Variants in PDIA5 observed in about 807,000 individuals in gnomAD.
The protein encoded by PDIA5 is protein disulfide-isomerase A5.
Under a neutral mutation model 77.6 loss-of-function variants are expected in PDIA5, and 58 were observed. The ratio of observed to expected loss-of-function variants is 0.75; its 90% CI spans 0.61 to 0.93. The LOEUF (loss-of-function observed/expected upper bound fraction) is 0.93. Ranked by LOEUF, PDIA5 falls within the 40% of genes least tolerant of loss-of-function variation. The pLI is 0.00. For synonymous variants in PDIA5, 250 were observed against 252.1 expected (o/e 0.99, Z 0.08); for missense variants, 630 against 647.7 (o/e 0.97, Z 0.30).
At chr3:123,076,131 C>T (rs1199804234) in intron 1 of PDIA5, among the ~76,000 whole-genome samples, 1 of 152,128 alleles carries the variant, frequency 6.6e-6, no homozygotes, top group Non-Finnish European at 1.5e-5. Flanking sequence ...GCAGACTTGC[C>T]AGCCTCTCGG....
intron 7 of PDIA5, among the ~76,000 whole-genome samples, chr3:123,112,198 A>G (rs988306281): frequency 2.0e-5 from 3 of 152,180 alleles, no homozygotes; most frequent in African/African-American, 7.2e-5. Flanking sequence ...TGTGAGCTGC[A>G]TCGGCCCTTC....
At chr3:123,074,333 A>G (rs1933795608) in intron 1 of PDIA5, among the ~76,000 whole-genome samples, 1 of 152,190 alleles carries the variant, frequency 6.6e-6, no homozygotes, top group Admixed American at 6.5e-5. Context: ...TGTTAATATA[A>G]TGTGGTAAGA....
At chr3:123,127,831 G>A (rs1429805715) in intron 10 of PDIA5, among the ~76,000 whole-genome samples, 3 of 152,176 alleles carry the variant, frequency 2.0e-5, no homozygotes, top group African/African-American at 4.8e-5. Context: ...TTCCCTGAAT[G>A]AGGGGAATGA....
In PDIA5 at chr3:123,150,372, G is replaced by C; in HGVS notation, c.1273+8G>C. On this transcript the variant is annotated splice_region_variant and intron_variant, in intron 14 of 16. Transcript: ENST00000316218. ...TCATGTTCTACGCCCCTTGTAAGTA[G>C]CTTGGGTGCTCACTGAGTGGCACAG... 1 of 1,612,230 alleles carries C rather than the reference G, an allele frequency of 6.2e-7. No homozygotes were observed. The highest frequency in any genetic ancestry group is 8.5e-7 in the Non-Finnish European group (1 of 1,179,134).
intron 1 of PDIA5, among the ~76,000 whole-genome samples, chr3:123,077,050 A>G (rs961172097): frequency 2.6e-5 from 4 of 152,196 alleles, no homozygotes; most frequent in Non-Finnish European, 5.9e-5. Flanking sequence ...TAAAGGAAGC[A>G]AAATATAAGA....
intron 14 of PDIA5, among the ~76,000 whole-genome samples, chr3:123,150,978 C>T (rs1229125904): frequency 6.6e-6 from 1 of 152,222 alleles, no homozygotes; most frequent in Non-Finnish European, 1.5e-5. Flanking sequence ...TCTCTGCTGC[C>T]CTTCTCTCTC....
chr3:123,123,832 G>A (rs1935174662), intron 8 of PDIA5, among the ~76,000 whole-genome samples: 1 of 152,236 alleles, frequency 6.6e-6, no homozygotes, highest in Non-Finnish European at 1.5e-5. Context: ...GAGGCAGAGG[G>A]AGCAGGCGTG....
At chr3:123,127,683 G>C (rs1935273597) in intron 10 of PDIA5, among the ~76,000 whole-genome samples, 1 of 152,158 alleles carries the variant, frequency 6.6e-6, no homozygotes, top group Admixed American at 6.5e-5. Context: ...ACTTGTTAGT[G>C]TTGGTTCTCC....
chr3:123,124,595 G>A (rs972252256), intron 10 of PDIA5, among the ~76,000 whole-genome samples: 4 of 152,212 alleles, frequency 2.6e-5, no homozygotes, highest in African/African-American at 4.8e-5. Context: ...TGTTGGGTGT[G>A]GAGTCTGTCT....
intron 3 of PDIA5, 30 bp from the exon 4 acceptor site, chr3:123,102,381 T>C: frequency 6.3e-7 from 1 of 1,576,114 alleles, no homozygotes; most frequent in Non-Finnish European, 8.7e-7. Flanking sequence ...CTTCAGGTAA[T>C]AAATGGTTCC....
At chr3:123,123,511 C>T (rs573342327) in intron 8 of PDIA5, among the ~76,000 whole-genome samples, 1 of 152,298 alleles carries the variant, frequency 6.6e-6, no homozygotes, top group East Asian at 1.9e-4. Flanking sequence ...TTATGAGAAC[C>T]ACACGGCCTC....
chr3:123,144,466 T>C (rs1251836438), intron 11 of PDIA5: 3 of 152,262 alleles, frequency 2.0e-5, no homozygotes, highest in Non-Finnish European at 4.4e-5. Context: ...AAGTACTCTT[T>C]CTATTAAAAT....
chr3:123,079,354 G>C (rs767168288), intron 1 of PDIA5, among the ~76,000 whole-genome samples: 1 of 151,754 alleles, frequency 6.6e-6, no homozygotes, highest in Non-Finnish European at 1.5e-5. Context: ...CTAATTTTTT[G>C]TATTTTTAGT....
At chr3:123,150,461 C>A in intron 14 of PDIA5, 97 bp downstream of exon 14, 2 of 1,164,544 alleles carry the variant, frequency 1.7e-6, no homozygotes, top group Non-Finnish European at 2.4e-6. Context: ...ACCAAGGCAG[C>A]CGCTGATGGA....
chr3:123,142,289 T>A (rs2107977992), intron 11 of PDIA5, among the ~76,000 whole-genome samples: 1 of 152,352 alleles, frequency 6.6e-6, no homozygotes, highest in Non-Finnish European at 1.5e-5. Context: ...TTCAGGTGCA[T>A]CCTATTAAAT....
intron 11 of PDIA5, among the ~76,000 whole-genome samples, chr3:123,137,869 T>A (rs1170545516): frequency 1.3e-5 from 2 of 152,210 alleles, no homozygotes; most frequent in Non-Finnish European, 2.9e-5. Flanking sequence ...AATAGTGCCC[T>A]ATATTTTGTT....
chr3:123,121,567 G>T (rs1234656555), intron 8 of PDIA5, among the ~76,000 whole-genome samples: 1 of 152,212 alleles, frequency 6.6e-6, no homozygotes, highest in Non-Finnish European at 1.5e-5. Flanking sequence ...CACCCCAAGC[G>T]AAGGTGGTTT....
At chr3:123,110,842 TCCCTACCCTTCAC>T in intron 6 of PDIA5, 89 bp from the exon 7 acceptor site, 1 of 972,222 alleles carries the variant, frequency 1.0e-6, no homozygotes, top group Non-Finnish European at 1.7e-6. Context: ...CCCCTCCCCA[TCCCTACCCTTCAC>T]CCTGCTGTAT....
intron 10 of PDIA5, among the ~76,000 whole-genome samples, chr3:123,128,806 A>G (rs747862584): frequency 2.0e-5 from 3 of 152,202 alleles, no homozygotes; most frequent in Non-Finnish European, 4.4e-5. Flanking sequence ...CCTCCCTCCT[A>G]TACCCTAGAA....
Sources: allele counts gnomAD v4.1 joint callset (sites outside exome capture counted in the v4.1 genomes callset), GRCh38; gene constraint gnomAD v4.1.1; transcripts MANE v1.5; gene names NCBI Gene and HGNC (gene_info 2026-07-23, HGNC 2026-07-21).